The following SIL1 variants were observed in gnomAD, a reference collection of about 807,000 sequenced individuals.
SIL1 encodes nucleotide exchange factor SIL1.
Under a neutral mutation model 49.1 loss-of-function variants are expected in SIL1, and 40 were observed. The observed-to-expected ratio is 0.81, with a 90% confidence interval of 0.63 to 1.06. SIL1 has a LOEUF of 1.06. SIL1 is among the 50% of genes least tolerant of loss of function. The pLI is 0.00. For missense variants in SIL1, 500 were observed against 572.6 expected (o/e 0.87, Z 1.29); for synonymous variants, 253 against 250.8 (o/e 1.01, Z -0.08).
At chr5:139,004,774 GA>G (rs1432539446) in intron 7 of SIL1, among the ~76,000 whole-genome samples, 1 of 151,942 alleles carries the variant, frequency 6.6e-6, no homozygotes, top group African/African-American at 2.4e-5. Flanking sequence ...TATTCAGCCA[GA>G]AAAAAATAAA....
At chr5:139,132,586 G>A (rs1750886633) in intron 1 of SIL1, among the ~76,000 whole-genome samples, 1 of 152,146 alleles carries the variant, frequency 6.6e-6, no homozygotes, top group Non-Finnish European at 1.5e-5. Flanking sequence ...AGATTGAGAG[G>A]ACTGAGGAGA....
At chr5:139,173,983 A>AG (rs1751829750) in intron 1 of SIL1, among the ~76,000 whole-genome samples, 1 of 151,270 alleles carries the variant, frequency 6.6e-6, no homozygotes, top group African/African-American at 2.4e-5. Flanking sequence ...AAAAAAAAAA[A>AG]CAGGAAAGAT....
intron 1 of SIL1, chr5:139,188,028 G>C (rs1442403410): frequency 1.3e-5 from 2 of 152,890 alleles, no homozygotes; most frequent in African/African-American, 4.8e-5. Flanking sequence ...AGTTTCCTGA[G>C]GCCTTCCCAG....
chr5:139,024,308 T>A (rs977527508), intron 6 of SIL1, among the ~76,000 whole-genome samples: 1 of 152,226 alleles, frequency 6.6e-6, no homozygotes, highest in African/African-American at 2.4e-5. Context: ...TCTTGGTTTT[T>A]ACCCTGGAGA....
In SIL1 at chr5:139,057,272, C is replaced by T. The variant is rs1769469784; in HGVS notation, c.245-6226G>A. ...TTCCCTCCACTATTGTCCTATGACCCAGCCAAATCCCCCTCTGCGAGAAAC... is the reference window on the plus strand; with the variant it reads ...TTCCCTCCACTATTGTCCTATGACCTAGCCAAATCCCCCTCTGCGAGAAAC... On this transcript the variant is annotated intron_variant, in intron 3 of 9. Transcript: ENST00000394817. Among the ~76,000 whole-genome samples, 6 of 141,710 alleles carry T rather than the reference C, an allele frequency of 4.2e-5. 1 individual carries two copies. The South Asian group carries it at 1.3e-3, about 32-fold the overall frequency. The allele number at this position is 141,710 out of a possible 152,430, so 93.0% of individuals were successfully genotyped here.
intron 3 of SIL1, among the ~76,000 whole-genome samples, chr5:139,061,291 T>G (rs1223558731): frequency 1.3e-5 from 2 of 152,154 alleles, no homozygotes; most frequent in African/African-American, 4.8e-5. Flanking sequence ...ACAGGCCAAC[T>G]GGAATGAATG....
At chr5:139,196,834 G>A (rs956801613) in intron 1 of SIL1, among the ~76,000 whole-genome samples, 4 of 151,942 alleles carry the variant, frequency 2.6e-5, no homozygotes, top group African/African-American at 9.7e-5. Flanking sequence ...TCCCAATATC[G>A]TTACACTCTG....
chr5:138,990,424 C>G (rs1205661441), intron 7 of SIL1, among the ~76,000 whole-genome samples: 3 of 152,070 alleles, frequency 2.0e-5, no homozygotes, highest in African/African-American at 7.2e-5. Flanking sequence ...GGGCAGATGA[C>G]TTTCATTCTA....
intron 1 of SIL1, among the ~76,000 whole-genome samples, chr5:139,181,079 T>G (rs1751974308): frequency 6.6e-6 from 1 of 152,270 alleles, no homozygotes; most frequent in African/African-American, 2.4e-5. Context: ...TATTATGCCA[T>G]TATAATAACA....
At chr5:139,096,203 C>A (rs1031474733) in intron 3 of SIL1, among the ~76,000 whole-genome samples, 2 of 152,116 alleles carry the variant, frequency 1.3e-5, no homozygotes, top group Admixed American at 6.5e-5. Context: ...AAAACTGGAC[C>A]AAACTCAGCT....
intron 3 of SIL1, among the ~76,000 whole-genome samples, chr5:139,090,752 G>A (rs767103323): frequency 2.6e-5 from 4 of 151,956 alleles, no homozygotes; most frequent in Non-Finnish European, 5.9e-5. Context: ...CTACAGGCAC[G>A]CACCACTACA....
chr5:138,948,147 C>CAGGGAAGATGCACAAGGCAAG lies in SIL1; in HGVS notation c.1030-695_1030-675dup, dbSNP rs1766677328. Among the ~76,000 whole-genome samples the CAGGGAAGATGCACAAGGCAAG allele has an allele frequency of 6.6e-6, 1 of 152,116 alleles. No homozygotes were observed. The highest frequency in any genetic ancestry group is 2.4e-5 in the African/African-American group (1 of 41,414). ...CCTAACTCCAGGGGAGAATGAAGCA[C>CAGGGAAGATGCACAAGGCAAG]AGGGAAGATGCACAAGGCAAGAGGG... On this transcript the variant is annotated intron_variant, in intron 9 of 9. Transcript: ENST00000394817. This position sits in a 1 kb window ranked among gnomAD's most constrained non-coding sequence, Gnocchi z 4.8.
chr5:139,023,233 C>G lies in SIL1; in HGVS notation c.646-1941G>C, dbSNP rs184615162. On this transcript the variant is annotated intron_variant, in intron 6 of 9. Coordinates refer to ENST00000394817, the MANE Select transcript of SIL1 (RefSeq NM_022464.5). ...GTGCACATCAAAAGCTGGGCCCCCC[C>G]CTGGTGACATACAGGAGAAACCATG... Among the ~76,000 whole-genome samples the G allele has an allele frequency of 1.8e-3, 279 of 152,296 alleles. 1 individual carries two copies. Among genetic ancestry groups the G allele is most frequent in the Middle Eastern group, 6.8e-3 (2 of 294 alleles).
intron 3 of SIL1, among the ~76,000 whole-genome samples, chr5:139,072,701 A>G (rs1379404990): frequency 6.6e-6 from 1 of 152,342 alleles, no homozygotes. Context: ...AAAAGCAAAA[A>G]TAGACAAATA....
chr5:139,081,761 C>T (rs1224504206), intron 3 of SIL1, among the ~76,000 whole-genome samples: 2 of 152,104 alleles, frequency 1.3e-5, no homozygotes, highest in African/African-American at 2.4e-5. Context: ...AGCCTGTAAT[C>T]CCAGCTACTC....
chr5:139,196,170 A>G (rs1396151837), intron 1 of SIL1, among the ~76,000 whole-genome samples: 1 of 152,186 alleles, frequency 6.6e-6, no homozygotes, highest in African/African-American at 2.4e-5. Context: ...GGCCTGAACC[A>G]CAGTGTGAGA....
At chr5:138,971,600 C>G (rs188800732) in intron 7 of SIL1, among the ~76,000 whole-genome samples, 8 of 152,190 alleles carry the variant, frequency 5.3e-5, no homozygotes, top group African/African-American at 1.9e-4. Context: ...ACCTCAGCAC[C>G]TTTGACGGGG....
intron 3 of SIL1, among the ~76,000 whole-genome samples, chr5:139,100,592 G>A (rs985002916): frequency 1.3e-5 from 2 of 152,164 alleles, no homozygotes; most frequent in African/African-American, 4.8e-5. Flanking sequence ...GAATGAGGGA[G>A]GCTAATTAGA....
At chr5:139,185,183 G>A (rs1338156826) in intron 1 of SIL1, among the ~76,000 whole-genome samples, 6 of 152,126 alleles carry the variant, frequency 3.9e-5, no homozygotes, top group East Asian at 1.9e-4. Context: ...TCACTGTTGC[G>A]TGTAAGGGGT....
Sources: gnomAD v4.1 joint callset for allele counts (sites outside exome capture counted in the v4.1 genomes callset) on GRCh38, gnomAD v4.1.1 for gene constraint, Gnocchi (gnomAD v3.1) non-coding constraint, MANE v1.5 for transcripts, NCBI Gene and HGNC (gene_info 2026-07-23, HGNC 2026-07-21) for gene names.